MRPS9: variants seen among roughly 807,000 people sequenced by gnomAD.
The protein encoded by MRPS9 is mitochondrial ribosomal protein S9.
A neutral mutation model predicts 59.9 loss-of-function variants in MRPS9; 45 were observed. The observed-to-expected ratio is 0.75, with a 90% CI of 0.59 to 0.96. The LOEUF is 0.96. Among genes scored for constraint, MRPS9 ranks in the 40% least tolerant of loss-of-function variants. The probability of loss-of-function intolerance (pLI) is 0.00; values close to 1 mark genes in which losing one functional copy is unlikely to be tolerated. For synonymous variants in MRPS9, 171 were observed against 166.8 expected, an observed-to-expected ratio of 1.03 and a Z score of -0.19; for missense variants, 473 against 481.1, an observed-to-expected ratio of 0.98 and a Z score of 0.16.
At chr2:105,080,379 A>C (rs1248217804) in intron 5 of MRPS9, among the ~76,000 whole-genome samples, 2 of 152,182 alleles carry the variant, frequency 1.3e-5, no homozygotes, top group Admixed American at 1.3e-4. Flanking sequence ...GAGGAGGCCA[A>C]GTGTATGATG....
At chr2:105,051,577 C>T (rs1247162041) in intron 2 of MRPS9, among the ~76,000 whole-genome samples, 1 of 152,122 alleles carries the variant, frequency 6.6e-6, no homozygotes. Flanking sequence ...CTGCAAGGAG[C>T]CACCTAAGAT....
At chr2:105,086,941 CTTTA>C (rs1400525855) in intron 5 of MRPS9, among the ~76,000 whole-genome samples, 1 of 151,926 alleles carries the variant, frequency 6.6e-6, no homozygotes, top group African/African-American at 2.4e-5. Flanking sequence ...GGGGGGAGTT[CTTTA>C]TTCAGGTCAT....
Position 105,078,973 on chromosome 2 carries a change from G to T in MRPS9, c.410-1010G>T, listed in dbSNP as rs140804445. On this transcript the variant is annotated intron_variant, in intron 4 of 10. Transcript: ENST00000258455. ...AACCTAACTGTTACAATGGTTTGTG[G>T]CCCTCCAGTGGGCCACAGTATACTT... Among the ~76,000 whole-genome samples the T allele has an allele frequency of 1.5e-3, 233 of 152,272 alleles. 1 individual carries two copies. The highest frequency in any genetic ancestry group is 4.3e-3 in the Admixed American group (65 of 15,292).
chr2:105,080,380 G>A (rs560082714), intron 5 of MRPS9, among the ~76,000 whole-genome samples: 1 of 152,288 alleles, frequency 6.6e-6, no homozygotes, highest in South Asian at 2.1e-4. Context: ...AGGAGGCCAA[G>A]TGTATGATGC....
Position 105,063,091 on chromosome 2 carries a change from G to T in MRPS9, c.316-8222G>T, listed in dbSNP as rs1052448810. ...ATAGAAATTTAGAAGTATAGAACAT[G>T]GTTGCTTCTTTTATCTGAATAAAAC... On this transcript the variant is annotated intron_variant, in intron 2 of 10. Transcript: ENST00000258455. Among the ~76,000 whole-genome samples the T allele has an allele frequency of 2.6e-5, 4 of 152,168 alleles. No homozygotes were observed. The South Asian group carries it at 8.3e-4, about 31-fold the overall frequency.
At chr2:105,072,868 A>G (rs1680140021) in intron 4 of MRPS9, among the ~76,000 whole-genome samples, 1 of 152,156 alleles carries the variant, frequency 6.6e-6, no homozygotes, top group African/African-American at 2.4e-5. Flanking sequence ...CTTTTTATAA[A>G]TATGCTCTAT....
intron 6 of MRPS9, among the ~76,000 whole-genome samples, chr2:105,089,315 A>T (rs1051340373): frequency 1.3e-5 from 2 of 152,188 alleles, no homozygotes; most frequent in Non-Finnish European, 1.5e-5. Context: ...CCTGGATATG[A>T]TGTCCTCAGA....
At chr2:105,061,162 G>C (rs72939406) in intron 2 of MRPS9, among the ~76,000 whole-genome samples, 2,072 of 148,592 alleles carry the variant, frequency 0.014, 34 homozygotes, top group Middle Eastern at 0.042. Flanking sequence ...GGAAGGGCTT[G>C]AGCAAATGCC....
chr2:105,091,304 C>A (rs1680553250), intron 7 of MRPS9: 4 of 471,008 alleles, frequency 8.5e-6, no homozygotes, highest in Non-Finnish European at 1.8e-5. Flanking sequence ...GAGTTCCACC[C>A]ATAGTGCCCC....
intron 4 of MRPS9, among the ~76,000 whole-genome samples, chr2:105,071,932 A>G (rs1316658408): frequency 1.3e-5 from 2 of 152,172 alleles, no homozygotes; most frequent in Non-Finnish European, 2.9e-5. Context: ...ATGAGCAATT[A>G]GCCATCATTC....
At chr2:105,097,347 C>A in intron 10 of MRPS9, 23 bp downstream of exon 10, 1 of 1,554,800 alleles carries the variant, frequency 6.4e-7, no homozygotes, top group Non-Finnish European at 8.7e-7. Flanking sequence ...GTGGGACGGG[C>A]ATGGTGGCCC....
At chr2:105,044,955 T>G (rs1046228151) in intron 1 of MRPS9, among the ~76,000 whole-genome samples, 4 of 152,120 alleles carry the variant, frequency 2.6e-5, no homozygotes, top group African/African-American at 9.7e-5. Flanking sequence ...TAAAGGAAAC[T>G]GTTGAGGTAA....
chr2:105,089,787 G>T, intron 6 of MRPS9, 133 bp from the exon 7 acceptor site: 1 of 520,066 alleles, frequency 1.9e-6, no homozygotes, highest in East Asian at 3.4e-5. Flanking sequence ...TAGCTTAGTT[G>T]GGTAAAATTA....
At chr2:105,068,271 A>G (rs986144618) in intron 2 of MRPS9, among the ~76,000 whole-genome samples, 1 of 152,150 alleles carries the variant, frequency 6.6e-6, no homozygotes, top group Non-Finnish European at 1.5e-5. Flanking sequence ...ATTACTTAAC[A>G]TTATAGGGTT....
At position 105,089,912 on chromosome 2, in the gene MRPS9, T is replaced by G; in HGVS notation, c.576-8T>G. 6.3e-7 allele frequency: 1 copy of G among 1,595,128 alleles called. No homozygotes were observed. The highest frequency in any genetic ancestry group is 8.6e-7 in the Non-Finnish European group (1 of 1,165,824). On this transcript the variant is annotated splice_polypyrimidine_tract_variant and splice_region_variant and intron_variant, in intron 6 of 10. Coordinates refer to ENST00000258455, the MANE Select transcript of MRPS9 (RefSeq NM_182640.3). ...ATTAAAAAGAGAATATATGTGATAT[T>G]TTAACAGAGACGTGATTGGCAGCAG...
rs200725169 is a variant in MRPS9 at position 105,074,216 on chromosome 2, GA to G, written c.409+2729del. On this transcript the variant is annotated intron_variant, in intron 4 of 10. Coordinates refer to ENST00000258455, the MANE Select transcript of MRPS9 (RefSeq NM_182640.3). ...AAATTAAGAAAGACTGAATATAAAT[GA>G]ACTAAATTTTCGGTTCAGGAAGCCA... Among the ~76,000 whole-genome samples the G allele has an allele frequency of 8.4e-4, 128 of 152,148 alleles. 4 individuals are homozygous for G. The East Asian group carries it at 0.024, about 28-fold the overall frequency.
rs11334093 is a variant in MRPS9 at position 105,069,214 on chromosome 2, C to CTT, written c.316-2082_316-2081dup. Reference sequence around the variant, plus strand: ...TACAAATATAGTTTAATTGGTCAATCTTTTTTTTTTTTTTTTTTGAGACAG... The same window carrying CTT: ...TACAAATATAGTTTAATTGGTCAATCTTTTTTTTTTTTTTTTTTTTGAGACAG... On this transcript the variant is annotated intron_variant, in intron 2 of 10. Coordinates refer to ENST00000258455, the MANE Select transcript of MRPS9 (RefSeq NM_182640.3). Among the ~76,000 whole-genome samples the CTT allele has an allele frequency of 4.0e-3, 474 of 117,684 alleles. 7 individuals are homozygous for CTT. The highest frequency in any genetic ancestry group is 0.012 in the African/African-American group (383 of 31,580). 77.2% of individuals were successfully genotyped at this position (117,684 alleles called of 152,430 possible). A position where few individuals can be genotyped will look rare whatever the true frequency, so the allele number is the denominator to read the frequency against.
intron 1 of MRPS9, among the ~76,000 whole-genome samples, chr2:105,044,976 G>A (rs1679567636): frequency 6.6e-6 from 1 of 152,112 alleles, no homozygotes; most frequent in Admixed American, 6.5e-5. Flanking sequence ...GAATTTTGAG[G>A]ATAGACCAAT....
At chr2:105,071,824 G>C (rs1680121617) in intron 4 of MRPS9, among the ~76,000 whole-genome samples, 1 of 152,050 alleles carries the variant, frequency 6.6e-6, no homozygotes, top group Non-Finnish European at 1.5e-5. Context: ...AACTTTTCTT[G>C]ATTTTGGAAG....
Sources: allele counts gnomAD v4.1 joint callset (sites outside exome capture counted in the v4.1 genomes callset), GRCh38; gene constraint gnomAD v4.1.1; transcripts MANE v1.5; gene names NCBI Gene and HGNC (gene_info 2026-07-23, HGNC 2026-07-21).